AGGF1: variants seen among roughly 807,000 people sequenced by gnomAD.
AGGF1 encodes the protein angiogenic factor with G patch and FHA domains 1.
In AGGF1, 56 loss-of-function variants were observed where a neutral mutation model predicts 86.5. The ratio of observed to expected loss-of-function variants is 0.65; its 90% CI spans 0.52 to 0.81. The LOEUF (loss-of-function observed/expected upper bound fraction) is 0.81. Ranked by LOEUF, AGGF1 falls within the 30% of genes least tolerant of loss-of-function variation. AGGF1 has a pLI of 0.00. For missense variants in AGGF1, 816 were observed against 850.9 expected (o/e 0.96, Z 0.51); for synonymous variants, 313 against 297.1 (o/e 1.05, Z -0.55).
rs545255083 is a variant in AGGF1, at chr5:77,046,296, T to G, written c.871-51T>G. The G allele has an allele frequency of 1.1e-5, 16 of 1,396,220 alleles. No homozygotes were observed. The Admixed American group carries it at 1.5e-4, about 13-fold the overall frequency. 86.5% of individuals were successfully genotyped at this position (1,396,220 alleles called of 1,614,324 possible). On this transcript the variant is annotated intron_variant, in intron 5 of 13. Transcript: ENST00000312916. ...TTGATGTAATGTTATAAGATAGTGA[T>G]GTTTAAGAGTATTCTCCCCTGTTCC...
At chr5:77,042,194 T>A (rs983679573) in intron 5 of AGGF1, among the ~76,000 whole-genome samples, 1 of 151,456 alleles carries the variant, frequency 6.6e-6, no homozygotes, top group Non-Finnish European at 1.5e-5. Flanking sequence ...CAAAATGAAG[T>A]CTCCCATGTC....
intron 1 of AGGF1, among the ~76,000 whole-genome samples, chr5:77,031,833 G>T (rs1456058235): frequency 6.6e-6 from 1 of 152,130 alleles, no homozygotes; most frequent in Non-Finnish European, 1.5e-5. Flanking sequence ...GAACCTAGGT[G>T]GTGGAGGTTG....
intron 2 of AGGF1, among the ~76,000 whole-genome samples, chr5:77,034,985 CAAG>C (rs150384390): frequency 0.057 from 8,606 of 152,236 alleles, 326 homozygotes; most frequent in Non-Finnish European, 0.083. Context: ...ATATGTGTCA[CAAG>C]AAGAAATCAT....
chr5:77,034,593 T>C, intron 2 of AGGF1, 73 bp downstream of exon 2: 3 of 1,056,094 alleles, frequency 2.8e-6, no homozygotes, highest in South Asian at 1.3e-5. Flanking sequence ...TTTCTTTTAA[T>C]TTAAAATAAA....
intron 5 of AGGF1, among the ~76,000 whole-genome samples, chr5:77,040,930 A>C (rs146797083): frequency 3.3e-5 from 5 of 152,096 alleles, no homozygotes; most frequent in African/African-American, 1.2e-4. Context: ...TGGTGCCATC[A>C]TGGCTCACTG....
Position 77,036,973 on chromosome 5 carries a change from A to T in AGGF1, c.681+253A>T, listed in dbSNP as rs1024259372. Among the ~76,000 whole-genome samples, 4 of 152,208 alleles carry T rather than the reference A, an allele frequency of 2.6e-5. 1 individual carries two copies. Among genetic ancestry groups the T allele is most frequent in the Admixed American group, 1.3e-4 (2 of 15,288 alleles). On this transcript the variant is annotated intron_variant, in intron 4 of 13. Transcript: ENST00000312916. Reference sequence around the variant, plus strand: ...AGGCTGGTCTCGAATTACATCTCAGACCTTTTAATACTGTATGATACATAC... The same window carrying T: ...AGGCTGGTCTCGAATTACATCTCAGTCCTTTTAATACTGTATGATACATAC...
At position 77,030,586 on chromosome 5, in the gene AGGF1, T is replaced by C; in HGVS notation, c.-181T>C. Reference sequence around the variant, plus strand: ...CATCCTCGGTCCCCTTGCTCGTTGCTCGCAGCCCCGTTCGGCTACAAGTGA... The same window carrying C: ...CATCCTCGGTCCCCTTGCTCGTTGCCCGCAGCCCCGTTCGGCTACAAGTGA... On this transcript the variant is annotated 5_prime_UTR_variant, in exon 1 of 14. Coordinates refer to ENST00000312916, the MANE Select transcript of AGGF1 (RefSeq NM_018046.5). The C allele has an allele frequency of 1.3e-6, 1 of 763,486 alleles. No homozygotes were observed. Among genetic ancestry groups the C allele is most frequent in the Non-Finnish European group, 2.3e-6 (1 of 443,106 alleles). 47.3% of individuals were successfully genotyped at this position (763,486 alleles called of 1,614,324 possible). A position where few individuals can be genotyped will look rare whatever the true frequency, so the allele number is the denominator to read the frequency against.
Position 77,030,460 on chromosome 5 carries a change from C to T in AGGF1, c.-307C>T. On this transcript the variant is annotated 5_prime_UTR_variant, in exon 1 of 14. Transcript: ENST00000312916. Reference sequence around the variant, plus strand: ...TGGAGCTCTTCTGGCCTCTGGTTTTCCGACTGCTTATCCGACGCTCCTCCC... The same window carrying T: ...TGGAGCTCTTCTGGCCTCTGGTTTTTCGACTGCTTATCCGACGCTCCTCCC... 1.7e-6 allele frequency: 1 copy of T among 575,020 alleles called. No individual in the cohort carries two copies. Among genetic ancestry groups the T allele is most frequent in the Non-Finnish European group, 3.3e-6 (1 of 304,604 alleles). 35.6% of individuals were successfully genotyped at this position (575,020 alleles called of 1,614,324 possible).
chr5:77,055,015 T>G (rs1202558860), intron 10 of AGGF1, among the ~76,000 whole-genome samples: 1 of 152,180 alleles, frequency 6.6e-6, no homozygotes, highest in Admixed American at 6.5e-5. Flanking sequence ...AAATAGATGC[T>G]TTGAACTAGT....
intron 13 of AGGF1, among the ~76,000 whole-genome samples, chr5:77,062,665 G>A (rs1028069210): frequency 1.3e-5 from 2 of 152,056 alleles, no homozygotes; most frequent in Non-Finnish European, 2.9e-5. Context: ...TCTTTTTATG[G>A]TTATTAATGT....
chr5:77,057,339 A>C (rs1332182730), intron 11 of AGGF1, among the ~76,000 whole-genome samples: 1 of 152,244 alleles, frequency 6.6e-6, no homozygotes, highest in Non-Finnish European at 1.5e-5. Flanking sequence ...AAAAACTGAG[A>C]AAAACTCAAA....
chr5:77,030,982 C>CG lies in AGGF1; in HGVS notation c.210+8dup. The CG allele has an allele frequency of 6.2e-7, 1 of 1,611,334 alleles. No individual in the cohort carries two copies. Among genetic ancestry groups the CG allele is most frequent in the Non-Finnish European group, 8.5e-7 (1 of 1,179,824 alleles). ...ACCAGGAGCTCCGCACGCAGGTGCG[C>CG]GGTCCTCCTCAGCCCCGCGCCCCAT... On this transcript the variant is annotated splice_region_variant and intron_variant, in intron 1 of 13. Transcript: ENST00000312916.
rs372703122 is a variant in AGGF1 at position 77,048,237 on chromosome 5, T to C, written c.1278T>C (p.Phe426=). Residue 426 remains phenylalanine (F), a synonymous_variant, in exon 7 of 14, where the codon TTT becomes TTC. Transcript: ENST00000312916. ...RSPVLQIGSL[F]IITAVNPATI... ...CTGTGTTGCAGATAGGATCACTCTT[T>C]ATCATTACTGCTGTAAACCCTGCTA... is the stretch of plus-strand genomic sequence containing the variant. 5.6e-6 allele frequency: 9 copies of C among 1,613,242 alleles called. No individual in the cohort carries two copies. The highest frequency in any genetic ancestry group is 5.3e-5 in the African/African-American group (4 of 74,922).
intron 5 of AGGF1, among the ~76,000 whole-genome samples, chr5:77,043,908 C>T (rs1206409537): frequency 3.4e-3 from 483 of 142,422 alleles, no homozygotes; most frequent in African/African-American, 0.012. Flanking sequence ...GACGGGGTCT[C>T]GGCCGGGCAG....
chr5:77,042,063 C>T (rs959145896), intron 5 of AGGF1, among the ~76,000 whole-genome samples: 2 of 151,628 alleles, frequency 1.3e-5, no homozygotes, highest in Non-Finnish European at 3.0e-5. Context: ...GCACATCTTG[C>T]ACCACCCTTA....
chr5:77,063,149 A>AT lies in AGGF1; in HGVS notation c.2042_2043insT (p.Trp682LeufsTer10), dbSNP rs764542558. 11 of 1,614,006 alleles carry AT rather than the reference A, an allele frequency of 6.8e-6. No individual in the cohort carries two copies. Among genetic ancestry groups the AT allele is most frequent in the African/African-American group, 2.7e-5 (2 of 74,914 alleles). On this transcript the variant is annotated frameshift_variant, in exon 14 of 14. Coordinates refer to ENST00000312916, the MANE Select transcript of AGGF1 (RefSeq NM_018046.5). LOFTEE classifies it high-confidence loss of function. ...CTTCTCCAAAACAAGAACAAAAAAA[A>AT]CTGGGACAAAGCACGAGAGCGGTTT...
rs1430276297 is a variant in AGGF1 at position 77,046,484 on chromosome 5, A to C, written c.1008A>C (p.Pro336=). Residue 336 remains proline, a synonymous_variant, in exon 6 of 14, where the codon CCA becomes CCC. Coordinates refer to ENST00000312916, the MANE Select transcript of AGGF1 (RefSeq NM_018046.5). ...HKNSPPKVTV[P]TSGNTIESPL... Reference sequence around the variant, plus strand: ...ATAGTCCCCCCAAAGTCACTGTTCCAACTAGTGGAAATACTATAGAGTCTC... The same window carrying C: ...ATAGTCCCCCCAAAGTCACTGTTCCCACTAGTGGAAATACTATAGAGTCTC... 1 of 1,613,970 alleles carries C rather than the reference A, an allele frequency of 6.2e-7. No homozygotes were observed. The highest frequency in any genetic ancestry group is 8.5e-7 in the Non-Finnish European group (1 of 1,179,978).
intron 4 of AGGF1, among the ~76,000 whole-genome samples, chr5:77,038,927 A>G (rs940718588): frequency 1.3e-5 from 2 of 152,182 alleles, no homozygotes; most frequent in East Asian, 3.8e-4. Flanking sequence ...CTTATTTACT[A>G]TAGAACTGAT....
At chr5:77,048,357 G>C in intron 7 of AGGF1, 85 bp downstream of exon 7, 1 of 1,193,686 alleles carries the variant, frequency 8.4e-7, no homozygotes, top group East Asian at 2.4e-5. Context: ...TTGTTTGTTT[G>C]TTTTTTGTTT....
Sources: gnomAD v4.1 joint callset for allele counts (sites outside exome capture counted in the v4.1 genomes callset) on GRCh38, gnomAD v4.1.1 for gene constraint, MANE v1.5 for transcripts, NCBI Gene and HGNC (gene_info 2026-07-23, HGNC 2026-07-21) for gene names.